CELF2: variants seen among roughly 807,000 people sequenced by gnomAD.
The protein encoded by CELF2 is CUGBP Elav-like family member 2, also known as CUG triplet repeat RNA-binding protein 2.
Under a neutral mutation model 62.6 loss-of-function variants are expected in CELF2, and 8 were observed. The observed-to-expected ratio is 0.13, with a 90% CI of 0.07 to 0.23. CELF2 has a LOEUF of 0.23. Among genes scored for constraint, CELF2 ranks in the 10% least tolerant of loss-of-function variants. The probability of loss-of-function intolerance (pLI) is 1.00; values close to 1 mark genes in which losing one functional copy is unlikely to be tolerated. For synonymous variants in CELF2, 258 were observed against 250.0 expected (o/e 1.03, Z -0.30); for missense variants, 333 against 671.0 (o/e 0.50, Z 5.56).
intron 2 of CELF2, among the ~76,000 whole-genome samples, chr10:11,216,352 C>T (rs1827284827): frequency 6.6e-6 from 1 of 152,166 alleles, no homozygotes; most frequent in Admixed American, 6.5e-5. Flanking sequence ...CTTCTGGCCC[C>T]TGTCTGGCTC....
the CELF2 span, among the ~76,000 whole-genome samples, chr10:10,526,772 A>C: frequency 2.0e-5 from 3 of 152,240 alleles, no homozygotes; most frequent in Admixed American, 2.0e-4. Context: ...AGAAGACAGC[A>C]TTGATTTCTG....
chr10:11,135,889 T>A (rs917515954), intron 1 of CELF2, among the ~76,000 whole-genome samples: 9 of 152,186 alleles, frequency 5.9e-5, no homozygotes, highest in Non-Finnish European at 1.3e-4. Context: ...AGCATCTCAC[T>A]CTAGACCTGC....
chr10:11,321,434 ACTGGC>A lies in CELF2; in HGVS notation c.1294+51_1294+55del, dbSNP rs1565982325. The A allele has an allele frequency of 6.7e-7, 1 of 1,499,308 alleles. No homozygotes were observed. Among genetic ancestry groups the A allele is most frequent in the South Asian group, 1.1e-5 (1 of 88,226 alleles). 92.9% of individuals were successfully genotyped at this position (1,499,308 alleles called of 1,614,324 possible). A position where few individuals can be genotyped will look rare whatever the true frequency, so the allele number is the denominator to read the frequency against. On this transcript the variant is annotated intron_variant, in intron 11 of 12. Transcript: ENST00000633077. This position sits in a 1 kb window ranked among gnomAD's most constrained non-coding sequence, Gnocchi z 6.2. ...GGCAGGGCCCAGCCCAACAGGCAGCACTGGCCTCTAGAGCACGGTTAGAAGGTATC... is the reference window on the plus strand; with the variant it reads ...GGCAGGGCCCAGCCCAACAGGCAGCACTCTAGAGCACGGTTAGAAGGTATC...
the CELF2 span, among the ~76,000 whole-genome samples, chr10:10,473,748 A>C: frequency 6.6e-6 from 1 of 152,084 alleles, no homozygotes; most frequent in Non-Finnish European, 1.5e-5. Context: ...AGAAAAAGTG[A>C]GGCTTAATTG....
At chr10:10,715,962 G>T in the CELF2 span, among the ~76,000 whole-genome samples, 4 of 152,268 alleles carry the variant, frequency 2.6e-5, no homozygotes, top group African/African-American at 9.6e-5. Context: ...CATCACCTGA[G>T]TTGATATAGT....
At chr10:10,985,920 G>A (rs144640169) in intron 2 of CELF2, among the ~76,000 whole-genome samples, 1 of 152,290 alleles carries the variant, frequency 6.6e-6, no homozygotes, top group East Asian at 1.9e-4. Flanking sequence ...TGTGGGCTAT[G>A]TTTGTAAAAG....
chr10:11,327,231 T>C (rs1229539810), intron 12 of CELF2, among the ~76,000 whole-genome samples: 2 of 152,124 alleles, frequency 1.3e-5, no homozygotes, highest in African/African-American at 4.8e-5. Context: ...GAGCCTACTT[T>C]AGGGAGGCTT....
At chr10:10,509,716 G>A in the CELF2 span, among the ~76,000 whole-genome samples, 1 of 152,138 alleles carries the variant, frequency 6.6e-6, no homozygotes, top group African/African-American at 2.4e-5. Flanking sequence ...TGTCAAAGAG[G>A]CCCTTTGAGA....
intron 2 of CELF2, chr10:11,169,182 A>G (rs1565057246): frequency 6.6e-6 from 1 of 152,238 alleles, no homozygotes; most frequent in Non-Finnish European, 1.5e-5. Context: ...TATGGCAGTC[A>G]TGATGATCAT....
At chr10:10,862,349 G>T (rs1050346857) in intron 1 of CELF2, among the ~76,000 whole-genome samples, 2 of 152,166 alleles carry the variant, frequency 1.3e-5, no homozygotes, top group African/African-American at 4.8e-5. Flanking sequence ...TGATCTGAAG[G>T]CTCTACTGGG....
At chr10:11,096,707 T>C (rs923663764) in intron 1 of CELF2, among the ~76,000 whole-genome samples, 1 of 152,082 alleles carries the variant, frequency 6.6e-6, no homozygotes, top group Non-Finnish European at 1.5e-5. Context: ...AAACCTTGGC[T>C]CAGAAGCAAT....
intron 1 of CELF2, among the ~76,000 whole-genome samples, chr10:10,814,192 G>T (rs1350407820): frequency 1.0e-5 from 1 of 99,336 alleles, no homozygotes; most frequent in Non-Finnish European, 1.9e-5. Context: ...ACAAGAGAAG[G>T]AAGAAAGGGA....
rs561158311 is a variant in CELF2, at chr10:11,285,171, G to A, written c.842-3247G>A. On this transcript the variant is annotated intron_variant, in intron 8 of 12. Transcript: ENST00000633077. This position sits in a 1 kb window ranked among gnomAD's most constrained non-coding sequence, Gnocchi z 4.3. ...TGGATGGATGGGCAGATAGATGGAC[G>A]AGCAAATATGGATCCGCCTCCTTGA... 4.6e-5 allele frequency among the ~76,000 whole-genome samples: 7 copies of A among 152,064 alleles called. No individual in the cohort carries two copies. Among genetic ancestry groups the A allele is most frequent in the Admixed American group, 3.9e-4 (6 of 15,280 alleles).
At chr10:10,963,933 C>T (rs963649119) in intron 2 of CELF2, among the ~76,000 whole-genome samples, 1 of 152,160 alleles carries the variant, frequency 6.6e-6, no homozygotes, top group Non-Finnish European at 1.5e-5. Context: ...TCTCCATATT[C>T]ACAGCCGTCT....
chr10:10,562,559 C>T, the CELF2 span, among the ~76,000 whole-genome samples: 9 of 152,116 alleles, frequency 5.9e-5, no homozygotes, highest in African/African-American at 2.2e-4. Context: ...CTGAGCAGCC[C>T]GGCTCCGGAG....
rs2064563898 is a variant in CELF2 at position 11,156,913 on chromosome 10, G to A, written c.75-8573G>A. Among the ~76,000 whole-genome samples the A allele has an allele frequency of 6.6e-6, 1 of 152,184 alleles. No homozygotes were observed. Among genetic ancestry groups the A allele is most frequent in the Non-Finnish European group, 1.5e-5 (1 of 68,044 alleles). On this transcript the variant is annotated intron_variant, in intron 1 of 12. Transcript: ENST00000633077. The surrounding 1 kb of genome is among the most constrained non-coding windows in gnomAD (Gnocchi z 4.3). ...AAGCTGATTGGAGGAAAAGAAGACC[G>A]GAAGAGATGAACTTTAGGTGTGCTG...
At position 10,962,928 on chromosome 10, in the gene CELF2, C is replaced by T. The variant is rs190489985; in HGVS notation, c.89+42929C>T. ...CATATATTGCTTATGCTTTAGGAGT[C>T]ATGTTTTCATCAAACGTGCAATGCC... On this transcript the variant is annotated intron_variant, in intron 2 of 13. Coordinates refer to the CELF2 transcript ENST00000636488. Among the ~76,000 whole-genome samples, 282 of 152,256 alleles carry T rather than the reference C, an allele frequency of 1.9e-3. 1 individual carries two copies. Among genetic ancestry groups the T allele is most frequent in the African/African-American group, 6.3e-3 (262 of 41,516 alleles).
Position 10,992,418 on chromosome 10 carries a change from T to C in CELF2, c.89+72419T>C, listed in dbSNP as rs769718243. Reference sequence around the variant, plus strand: ...AACCTAATGTTGGGTAACGTGTTAATGATGAAAGCAAGTGGCATTATCAAG... The same window carrying C: ...AACCTAATGTTGGGTAACGTGTTAACGATGAAAGCAAGTGGCATTATCAAG... On this transcript the variant is annotated intron_variant, in intron 2 of 13. Transcript: ENST00000636488. 2.6e-4 allele frequency among the ~76,000 whole-genome samples: 39 copies of C among 152,188 alleles called. 1 individual carries two copies. Among genetic ancestry groups the C allele is most frequent in the Non-Finnish European group, 5.1e-4 (35 of 68,028 alleles).
At chr10:11,238,951 A>T (rs765906988) in intron 3 of CELF2, among the ~76,000 whole-genome samples, 6 of 152,212 alleles carry the variant, frequency 3.9e-5, no homozygotes, top group Non-Finnish European at 7.3e-5. Context: ...ATCACAGCTA[A>T]CGAGTGTGAT....
Sources: allele counts gnomAD v4.1 joint callset (sites outside exome capture counted in the v4.1 genomes callset), GRCh38; gene constraint gnomAD v4.1.1; non-coding constraint Gnocchi (gnomAD v3.1); transcripts MANE v1.5; gene names NCBI Gene and HGNC (gene_info 2026-07-23, HGNC 2026-07-21).